The following PTPRD variants were observed in gnomAD, a reference collection of about 807,000 sequenced individuals.
PTPRD encodes the protein receptor-type tyrosine-protein phosphatase delta.
PTPRD carries 34 observed loss-of-function variants against 214.5 expected under a neutral mutation model. The ratio of observed to expected loss-of-function variants is 0.16; its 90% CI spans 0.12 to 0.21. The LOEUF (loss-of-function observed/expected upper bound fraction) is 0.21, where lower values mean the gene tolerates loss of function less well. Among genes scored for constraint, PTPRD ranks in the 10% least tolerant of loss-of-function variants. The pLI is 1.00. For synonymous variants in PTPRD, 1,128 were observed against 845.7 expected (o/e 1.33, Z -5.79); for missense variants, 2,545 against 2,398.7 (o/e 1.06, Z -1.27).
chr9:9,948,997 G>A (rs945053521), intron 4 of PTPRD, among the ~76,000 whole-genome samples: 5 of 151,994 alleles, frequency 3.3e-5, no homozygotes, highest in South Asian at 2.1e-4. Flanking sequence ...GCATGGGGGG[G>A]CCTAAGATTT....
intron 10 of PTPRD, among the ~76,000 whole-genome samples, chr9:9,136,248 T>C (rs2099850652): frequency 6.6e-6 from 1 of 151,930 alleles, no homozygotes; most frequent in South Asian, 2.1e-4. Flanking sequence ...TCCAACTTGA[T>C]TTTTAAGTCT....
At chr9:10,112,644 T>G (rs746105238) in intron 3 of PTPRD, among the ~76,000 whole-genome samples, 1 of 152,170 alleles carries the variant, frequency 6.6e-6, no homozygotes, top group Non-Finnish European at 1.5e-5. Flanking sequence ...AAAGTTAATT[T>G]GTTGGACCCA....
rs78995168 is a variant in PTPRD at position 9,466,368 on chromosome 9, C to G, written c.-236-68886G>C. Among the ~76,000 whole-genome samples the G allele has an allele frequency of 2.0e-5, 3 of 152,036 alleles. No individual in the cohort carries two copies. In the East Asian group the frequency reaches 5.8e-4, roughly 29 times the overall value. On this transcript the variant is annotated intron_variant, in intron 8 of 45. Coordinates refer to ENST00000381196, the MANE Select transcript of PTPRD (RefSeq NM_002839.4). ...CTTATCTTCTTCCCAGATCAGTGTT[C>G]TAGATGAAGTTGCTATTATGAATCA...
intron 7 of PTPRD, among the ~76,000 whole-genome samples, chr9:9,733,739 A>G (rs1190976299): frequency 1.3e-5 from 2 of 152,094 alleles, no homozygotes; most frequent in Non-Finnish European, 2.9e-5. Context: ...ATGAGTTGGG[A>G]CATCCAGTCT....
In PTPRD at chr9:8,747,798, A is replaced by G. The variant is rs574957279; in HGVS notation, c.-103-13852T>C. Among the ~76,000 whole-genome samples the G allele has an allele frequency of 2.3e-4, 35 of 152,310 alleles. 1 individual carries two copies. Among genetic ancestry groups the G allele is most frequent in the Admixed American group, 2.3e-3 (35 of 15,298 alleles). On this transcript the variant is annotated intron_variant, in intron 11 of 45. Transcript: ENST00000381196. ...CATTGATAGCACCCATCAGATGGCC[A>G]AATTATTATTTACTAGACCAGGCCT...
chr9:10,184,871 G>C (rs935192096), intron 3 of PTPRD, among the ~76,000 whole-genome samples: 1 of 152,110 alleles, frequency 6.6e-6, no homozygotes, highest in African/African-American at 2.4e-5. Flanking sequence ...TTGGCAGTGA[G>C]TTTTTTTATT....
At chr9:8,381,931 C>G (rs2085226024) in intron 37 of PTPRD, among the ~76,000 whole-genome samples, 1 of 152,084 alleles carries the variant, frequency 6.6e-6, no homozygotes, top group Non-Finnish European at 1.5e-5. Context: ...TTCTCGTGGC[C>G]AAGTAGCACT....
chr9:8,737,310 C>G (rs2090692994), intron 11 of PTPRD, among the ~76,000 whole-genome samples: 1 of 152,134 alleles, frequency 6.6e-6, no homozygotes, highest in South Asian at 2.1e-4. Context: ...TCTAAATGTT[C>G]ATTCCAGCTA....
At chr9:9,444,217 T>C (rs747156775) in intron 8 of PTPRD, among the ~76,000 whole-genome samples, 3 of 152,198 alleles carry the variant, frequency 2.0e-5, no homozygotes, top group Non-Finnish European at 4.4e-5. Context: ...ACTAATTTGA[T>C]AGGAGAGTTC....
chr9:8,324,294 C>A (rs1056019194), intron 44 of PTPRD, among the ~76,000 whole-genome samples: 11 of 152,024 alleles, frequency 7.2e-5, no homozygotes, highest in Non-Finnish European at 1.0e-4. Context: ...TGTTCGCTTC[C>A]CTGCGTCCAC....
chr9:9,709,134 T>G (rs1263154674), intron 7 of PTPRD, among the ~76,000 whole-genome samples: 1 of 152,028 alleles, frequency 6.6e-6, no homozygotes, highest in Non-Finnish European at 1.5e-5. Context: ...CTTGTGGTTT[T>G]GCAAGATTCA....
chr9:9,670,823 T>C (rs564385088), intron 7 of PTPRD, among the ~76,000 whole-genome samples: 63 of 152,114 alleles, frequency 4.1e-4, no homozygotes, highest in African/African-American at 1.5e-3. Flanking sequence ...TCAGAAGATA[T>C]ATGGAAATGC....
intron 3 of PTPRD, among the ~76,000 whole-genome samples, chr9:10,309,198 C>T (rs1034154722): frequency 6.6e-6 from 1 of 151,998 alleles, no homozygotes; most frequent in African/African-American, 2.4e-5. Flanking sequence ...TTGAAGAGAA[C>T]TAAGGATGAA....
At chr9:9,964,297 G>C (rs535437617) in intron 4 of PTPRD, among the ~76,000 whole-genome samples, 13 of 152,194 alleles carry the variant, frequency 8.5e-5, no homozygotes, top group Non-Finnish European at 1.9e-4. Context: ...TAGCAGGCTT[G>C]TTAGAAATAC....
At chr9:9,297,693 T>C (rs542970481) in intron 9 of PTPRD, among the ~76,000 whole-genome samples, 52 of 151,750 alleles carry the variant, frequency 3.4e-4, no homozygotes, top group African/African-American at 1.2e-3. Flanking sequence ...AAATCCAACA[T>C]TGATGGTTGG....
At chr9:8,718,690 T>C (rs1283464282) in intron 12 of PTPRD, among the ~76,000 whole-genome samples, 3 of 152,182 alleles carry the variant, frequency 2.0e-5, no homozygotes, top group African/African-American at 7.2e-5. Context: ...TACAAGAATA[T>C]AGGTATGCCC....
At chr9:8,679,405 A>T (rs2097505372) in intron 12 of PTPRD, among the ~76,000 whole-genome samples, 1 of 152,236 alleles carries the variant, frequency 6.6e-6, no homozygotes, top group Non-Finnish European at 1.5e-5. Context: ...CTTGATGGTC[A>T]TCACTTCATA....
intron 7 of PTPRD, among the ~76,000 whole-genome samples, chr9:9,734,063 G>C (rs2098248936): frequency 6.6e-6 from 1 of 152,154 alleles, no homozygotes; most frequent in South Asian, 2.1e-4. Flanking sequence ...AGTGTGTTCA[G>C]TGTGTTTCTA....
chr9:10,453,002 G>T (rs1049870691), intron 2 of PTPRD, among the ~76,000 whole-genome samples: 1 of 151,532 alleles, frequency 6.6e-6, no homozygotes, highest in Non-Finnish European at 1.5e-5. Context: ...TGATTTTTGT[G>T]TGTGGTATGA....
Sources: gnomAD v4.1 joint callset for allele counts (sites outside exome capture counted in the v4.1 genomes callset) on GRCh38, gnomAD v4.1.1 for gene constraint, MANE v1.5 for transcripts, NCBI Gene and HGNC (gene_info 2026-07-23, HGNC 2026-07-21) for gene names.